The following CTNNA1 variants were observed in gnomAD, a reference collection of about 807,000 sequenced individuals.
CTNNA1 encodes the protein catenin alpha 1.
CTNNA1 carries 37 observed loss-of-function variants against 98.4 expected under a neutral mutation model. That is an observed-to-expected ratio of 0.38 (90% CI 0.29 to 0.49). The LOEUF is 0.49. Ranked by LOEUF, CTNNA1 falls within the 20% of genes least tolerant of loss-of-function variation. The pLI is 0.95. For synonymous variants in CTNNA1, 404 were observed against 413.2 expected, an observed-to-expected ratio of 0.98 and a Z score of 0.27; for missense variants, 761 against 1,147.2, an observed-to-expected ratio of 0.66 and a Z score of 4.86.
chr5:138,832,920 C>G (rs550560119), intron 7 of CTNNA1, among the ~76,000 whole-genome samples: 39 of 152,286 alleles, frequency 2.6e-4, no homozygotes, highest in African/African-American at 9.1e-4. Context: ...CTGAAGGGCT[C>G]TATGCTTTAT....
chr5:138,877,722 C>T (rs1474170719), intron 7 of CTNNA1, among the ~76,000 whole-genome samples: 1 of 152,182 alleles, frequency 6.6e-6, no homozygotes, highest in Non-Finnish European at 1.5e-5. Flanking sequence ...GCTGGGATTA[C>T]AGGCGTGAGC....
chr5:138,776,459 G>A (rs1024551141), intron 1 of CTNNA1, among the ~76,000 whole-genome samples: 17 of 152,140 alleles, frequency 1.1e-4, no homozygotes, highest in African/African-American at 3.6e-4. Flanking sequence ...ACACAGACAC[G>A]GCAACCATCC....
In CTNNA1 at chr5:138,929,135, C is replaced by T. The variant is rs1764763453; in HGVS notation, c.1900-111C>T. 7.8e-6 allele frequency: 6 copies of T among 769,906 alleles called. No individual in the cohort carries two copies. In the South Asian group the frequency reaches 8.2e-5, roughly 11 times the overall value. The allele number at this position is 769,906 out of a possible 1,614,324, so 47.7% of individuals were successfully genotyped here. ...TCACCATACTGTTCAGAACACTGCACATTAAAATCCAGAATTCTGGGCCTC... is the reference window on the plus strand; with the variant it reads ...TCACCATACTGTTCAGAACACTGCATATTAAAATCCAGAATTCTGGGCCTC... On this transcript the variant is annotated intron_variant, in intron 13 of 17. Transcript: ENST00000302763.
intron 3 of CTNNA1, among the ~76,000 whole-genome samples, chr5:138,800,802 T>TA (rs559443920): frequency 2.6e-4 from 38 of 145,430 alleles, no homozygotes; most frequent in Middle Eastern, 3.5e-3. Context: ...AAACTCCGTC[T>TA]AAAAAAAAAA....
rs1580984443 is a variant in CTNNA1 at position 138,783,296 on chromosome 5, G to A, written c.225G>A (p.Lys75=). The change falls in exon 3 of 18, where the codon AAG becomes AAA. Residue 75 remains lysine (K), a synonymous_variant. Transcript: ENST00000302763. Reference sequence around the variant, plus strand: ...AAGCAACTGAGAATTTCTTGGAGAAGGGGGATAAAATTGCGAAGGAGAGCC... The same window carrying A: ...AAGCAACTGAGAATTTCTTGGAGAAAGGGGATAAAATTGCGAAGGAGAGCC... The part of the protein sequence containing the change: ...VEQATENFLE[K]GDKIAKESQF... 6.2e-7 allele frequency: 1 copy of A among 1,614,118 alleles called. No homozygotes were observed. Among genetic ancestry groups the A allele is most frequent in the Non-Finnish European group, 8.5e-7 (1 of 1,179,974 alleles).
At chr5:138,800,695 C>T (rs967266049) in intron 3 of CTNNA1, among the ~76,000 whole-genome samples, 3 of 151,912 alleles carry the variant, frequency 2.0e-5, no homozygotes, top group Non-Finnish European at 2.9e-5. Context: ...CCGAGCTATT[C>T]GGGAGGCTGA....
chr5:138,910,475 T>A (rs1329234647), intron 10 of CTNNA1, among the ~76,000 whole-genome samples: 1 of 151,952 alleles, frequency 6.6e-6, no homozygotes, highest in Non-Finnish European at 1.5e-5. Flanking sequence ...ACTCTTTGTT[T>A]TCTTCCTTCT....
In CTNNA1 at chr5:138,887,645, A is replaced by G; in HGVS notation, c.1296+3A>G. The stretch of plus-strand genomic sequence containing the variant: ...AACATGCCAACAAATTGATTGAGGT[A>G]AGTGAATTAGCAGTTTCATTGACTT... On this transcript the variant is annotated splice_donor_region_variant and intron_variant, in intron 9 of 17. Coordinates refer to ENST00000302763, the MANE Select transcript of CTNNA1 (RefSeq NM_001903.5). 6.2e-7 allele frequency: 1 copy of G among 1,605,818 alleles called. No homozygotes were observed. The highest frequency in any genetic ancestry group is 8.5e-7 in the Non-Finnish European group (1 of 1,177,304).
intron 3 of CTNNA1, among the ~76,000 whole-genome samples, chr5:138,796,461 G>A (rs1365222818): frequency 1.3e-5 from 2 of 151,898 alleles, no homozygotes; most frequent in East Asian, 1.9e-4. Context: ...GGAGAATGGC[G>A]TGAACCCGGG....
intron 7 of CTNNA1, among the ~76,000 whole-genome samples, chr5:138,838,413 T>G (rs1761989142): frequency 6.6e-6 from 1 of 152,238 alleles, no homozygotes; most frequent in South Asian, 2.1e-4. Flanking sequence ...TGTAGCAGTA[T>G]TCTCTGTTTC....
intron 3 of CTNNA1, among the ~76,000 whole-genome samples, chr5:138,800,708 C>T (rs1757479326): frequency 6.6e-6 from 1 of 152,052 alleles, no homozygotes; most frequent in African/African-American, 2.4e-5. Context: ...GAGGCTGAGG[C>T]AGGAGAATCA....
intron 7 of CTNNA1, among the ~76,000 whole-genome samples, chr5:138,841,631 CA>C (rs11355791): frequency 0.69 from 105,153 of 152,052 alleles, 36,503 homozygotes; most frequent in East Asian, 0.93. Context: ...GTCATTCTCT[CA>C]AAACTGCCAT....
chr5:138,770,136 T>TA (rs764112215), intron 1 of CTNNA1, among the ~76,000 whole-genome samples: 4 of 152,182 alleles, frequency 2.6e-5, no homozygotes, highest in Non-Finnish European at 5.9e-5. Flanking sequence ...TGCCCGGTGA[T>TA]ACTTTTATTT....
chr5:138,904,717 G>C (rs1758802576), intron 10 of CTNNA1: 1 of 314,408 alleles, frequency 3.2e-6, no homozygotes, highest in Admixed American at 4.5e-5. Flanking sequence ...AGCACTTTGG[G>C]ATCCCAAAGT....
rs10463974 is a variant in CTNNA1, at chr5:138,917,982, A to G, written c.1546+84A>G. 0.035 allele frequency: 46,568 copies of G among 1,315,234 alleles called. 1,377 individuals are homozygous for G. Among genetic ancestry groups the G allele is most frequent in the Admixed American group, 0.13 (6,729 of 50,800 alleles). The allele number at this position is 1,315,234 out of a possible 1,614,324, so 81.5% of individuals were successfully genotyped here. A position where few individuals can be genotyped will look rare whatever the true frequency, so the allele number is the denominator to read the frequency against. On this transcript the variant is annotated intron_variant, in intron 11 of 17. Coordinates refer to ENST00000302763, the MANE Select transcript of CTNNA1 (RefSeq NM_001903.5). ...GTTGTATTAATGGGCAAACACTGCT[A>G]TGTCTTGGCAGGTAAATTATTCTAA...
intron 6 of CTNNA1, among the ~76,000 whole-genome samples, chr5:138,826,032 A>T (rs868092793): frequency 2.0e-5 from 3 of 152,214 alleles, no homozygotes; most frequent in South Asian, 4.1e-4. Flanking sequence ...AAATGATCTC[A>T]GGCTCATTGA....
chr5:138,892,341 T>G (rs1045782152), intron 9 of CTNNA1, among the ~76,000 whole-genome samples: 1 of 132,254 alleles, frequency 7.6e-6, no homozygotes, highest in African/African-American at 2.9e-5. Context: ...TTTTTTTTTT[T>G]TTTTTTTTTT....
At chr5:138,875,430 G>GT in intron 7 of CTNNA1, 1 of 985,742 alleles carries the variant, frequency 1.0e-6, no homozygotes, top group Non-Finnish European at 1.2e-6. Flanking sequence ...AAGCTTTACT[G>GT]TTATAAAGCA....
Position 138,802,759 on chromosome 5 carries a change from G to C in CTNNA1, c.302-7279G>C, listed in dbSNP as rs117153667. On this transcript the variant is annotated intron_variant, in intron 3 of 17. Coordinates refer to ENST00000302763, the MANE Select transcript of CTNNA1 (RefSeq NM_001903.5). ...CTGTGGTTTTTGTTTTTTGACTTCT[G>C]AGTTTATGATCTTATTCTCTATTAT... 5.0e-3 allele frequency among the ~76,000 whole-genome samples: 763 copies of C among 152,190 alleles called. 8 individuals are homozygous for C. The highest frequency in any genetic ancestry group is 0.043 in the East Asian group (220 of 5,174).
Sources: allele counts gnomAD v4.1 joint callset (sites outside exome capture counted in the v4.1 genomes callset), GRCh38; gene constraint gnomAD v4.1.1; transcripts MANE v1.5; gene names NCBI Gene and HGNC (gene_info 2026-07-23, HGNC 2026-07-21).